Variants in SLC39A12 observed in about 807,000 individuals in gnomAD.
SLC39A12 encodes solute carrier family 39 member 12.
In SLC39A12, 63 loss-of-function variants were observed where a neutral mutation model predicts 71.1. That is an observed-to-expected ratio of 0.89 (90% CI 0.72 to 1.09). The LOEUF (loss-of-function observed/expected upper bound fraction) is 1.09, where lower values mean the gene tolerates loss of function less well. Among genes scored for constraint, SLC39A12 ranks in the 50% least tolerant of loss-of-function variants. The pLI is 0.00. For missense variants in SLC39A12, 892 were observed against 812.6 expected (o/e 1.10, Z -1.19); for synonymous variants, 351 against 301.3 (o/e 1.16, Z -1.71).
At chr10:17,991,124 CCT>C in intron 7 of SLC39A12, 25 bp from the exon 8 acceptor site, 1 of 936,864 alleles carries the variant, frequency 1.1e-6, no homozygotes, top group Non-Finnish European at 1.5e-6. Flanking sequence ...TTTCTCTCTG[CCT>C]TTTTTTTTTT....
intron 3 of SLC39A12, among the ~76,000 whole-genome samples, chr10:17,965,096 A>C (rs1033028181): frequency 3.9e-5 from 6 of 152,084 alleles, no homozygotes; most frequent in Non-Finnish European, 5.9e-5. Flanking sequence ...AATCCCAGCT[A>C]CTCAGGAGGC....
chr10:17,993,257 C>G lies in SLC39A12; in HGVS notation c.1499C>G (p.Ala500Gly), dbSNP rs772241313. Residue 500 changes from alanine to glycine, a missense_variant, in exon 9 of 13, where the codon GCA (alanine) becomes GGA (glycine). Coordinates refer to ENST00000377369, the MANE Select transcript of SLC39A12 (RefSeq NM_001145195.2). ...LALNSELSDQ[A>G]GRGKSASTIQ... ...CTCAACTCTGAATTAAGTGACCAGG[C>G]AGGCAGAGGCAAATCTGCTTCAACT... 5.2e-6 allele frequency: 8 copies of G among 1,551,820 alleles called. No individual in the cohort carries two copies. In the African/African-American group the frequency reaches 1.1e-4, roughly 21 times the overall value.
rs370203103 is a variant in SLC39A12, at chr10:17,993,397, C to T, written c.1533+106C>T. On this transcript the variant is annotated intron_variant, in intron 9 of 12. Transcript: ENST00000377369. Reference sequence around the variant, plus strand: ...GGGTAGATAAACAGATTTCATACTCCTGATTTGCCGGTTCTTAACTGTGAT... The same window carrying T: ...GGGTAGATAAACAGATTTCATACTCTTGATTTGCCGGTTCTTAACTGTGAT... 5.5e-5 allele frequency: 44 copies of T among 800,196 alleles called. No homozygotes were observed. The African/African-American group carries it at 5.6e-4, about 10-fold the overall frequency. The allele number at this position is 800,196 out of a possible 1,614,324, so 49.6% of individuals were successfully genotyped here. A position where few individuals can be genotyped will look rare whatever the true frequency, so the allele number is the denominator to read the frequency against.
chr10:17,989,755 C>T (rs1054157992), intron 7 of SLC39A12, among the ~76,000 whole-genome samples: 1 of 152,028 alleles, frequency 6.6e-6, no homozygotes, highest in East Asian at 1.9e-4. Flanking sequence ...CCCGTCTCTA[C>T]TAAAAATCAA....
chr10:17,994,481 T>G (rs555190621), intron 9 of SLC39A12, among the ~76,000 whole-genome samples: 1 of 152,228 alleles, frequency 6.6e-6, no homozygotes, highest in East Asian at 1.9e-4. Flanking sequence ...TCTAAATTAC[T>G]TTACATAATG....
At chr10:18,013,097 T>C (rs1836275433) in intron 12 of SLC39A12, among the ~76,000 whole-genome samples, 1 of 151,592 alleles carries the variant, frequency 6.6e-6, no homozygotes, top group Non-Finnish European at 1.5e-5. Flanking sequence ...AAATGGTGCT[T>C]TATTAAAAAT....
chr10:18,005,828 A>AC (rs1291696440), intron 12 of SLC39A12: 1 of 151,662 alleles, frequency 6.6e-6, no homozygotes, highest in Non-Finnish European at 1.5e-5. Flanking sequence ...CCGAGGAAAA[A>AC]CCAGCATCCT....
intron 1 of SLC39A12, 75 bp from the exon 2 acceptor site, chr10:17,953,116 C>T: frequency 1.1e-6 from 1 of 907,270 alleles, no homozygotes; most frequent in Non-Finnish European, 1.7e-6. Context: ...TCAGCTTAGC[C>T]ACCCAATTAA....
intron 12 of SLC39A12, among the ~76,000 whole-genome samples, chr10:18,023,818 A>G (rs1025796411): frequency 4.6e-5 from 7 of 152,110 alleles, no homozygotes; most frequent in Admixed American, 1.3e-4. Flanking sequence ...GCCACCACCA[A>G]CCTAAGTGCC....
chr10:17,995,000 C>G (rs1325918625), intron 9 of SLC39A12, among the ~76,000 whole-genome samples: 2 of 152,134 alleles, frequency 1.3e-5, no homozygotes, highest in African/African-American at 4.8e-5. Flanking sequence ...GTGAGTCAGT[C>G]TCTGAAATAA....
intron 10 of SLC39A12, among the ~76,000 whole-genome samples, chr10:17,999,828 G>A (rs1178542063): frequency 6.6e-6 from 1 of 152,162 alleles, no homozygotes; most frequent in East Asian, 1.9e-4. Flanking sequence ...GGGAGTGAAT[G>A]GGGCGCTTCA....
At chr10:18,024,086 G>C (rs1836608942) in intron 12 of SLC39A12, among the ~76,000 whole-genome samples, 1 of 152,120 alleles carries the variant, frequency 6.6e-6, no homozygotes, top group Non-Finnish European at 1.5e-5. Context: ...ATGCAGAGTG[G>C]CTACTGGCCC....
At chr10:17,990,795 A>G (rs1835523705) in intron 7 of SLC39A12, among the ~76,000 whole-genome samples, 1 of 152,214 alleles carries the variant, frequency 6.6e-6, no homozygotes, top group South Asian at 2.1e-4. Flanking sequence ...GTACAAACAG[A>G]TGCAGATTGG....
chr10:18,037,886 G>T (rs938928992), intron 12 of SLC39A12, among the ~76,000 whole-genome samples: 4 of 151,786 alleles, frequency 2.6e-5, no homozygotes, highest in African/African-American at 7.3e-5. Context: ...CAGGCATGGT[G>T]GTGCGTGCCT....
At chr10:17,970,084 A>C (rs189849485) in intron 4 of SLC39A12, among the ~76,000 whole-genome samples, 2 of 152,128 alleles carry the variant, frequency 1.3e-5, no homozygotes, top group East Asian at 3.9e-4. Context: ...CTGTGTCTAA[A>C]ATGAGTTCAC....
chr10:18,036,794 A>ATATTTTTTTTTTTTT (rs1554855475), intron 12 of SLC39A12, among the ~76,000 whole-genome samples: 1 of 92,862 alleles, frequency 1.1e-5, no homozygotes, highest in African/African-American at 4.5e-5. Context: ...ATATATATAT[A>ATATTTTTTTTTTTTT]TTTTTTTTTT....
At chr10:18,041,889 ATATATG>A (rs1221319003) in intron 12 of SLC39A12, among the ~76,000 whole-genome samples, 2 of 148,378 alleles carry the variant, frequency 1.3e-5, no homozygotes, top group African/African-American at 2.5e-5. Flanking sequence ...ATATACACAC[ATATATG>A]TATATGTATA....
chr10:18,016,115 T>G (rs532462567), intron 12 of SLC39A12, among the ~76,000 whole-genome samples: 56 of 152,320 alleles, frequency 3.7e-4, no homozygotes, highest in Non-Finnish European at 7.9e-4. Flanking sequence ...TTTTGACAAA[T>G]GGACGATGAC....
chr10:17,985,856 C>G (rs780707123), intron 6 of SLC39A12, among the ~76,000 whole-genome samples: 23 of 151,884 alleles, frequency 1.5e-4, no homozygotes, highest in South Asian at 1.0e-3. Flanking sequence ...TAAAAGGAAG[C>G]CTAGAAACAT....
Sources: gnomAD v4.1 joint callset for allele counts (sites outside exome capture counted in the v4.1 genomes callset) on GRCh38, gnomAD v4.1.1 for gene constraint, MANE v1.5 for transcripts, NCBI Gene and HGNC (gene_info 2026-07-23, HGNC 2026-07-21) for gene names.